Variants in MYOF observed in about 807,000 individuals in gnomAD.
The protein encoded by MYOF is fer-1-like 3, myoferlin.
In MYOF, 244 loss-of-function variants were observed where a neutral mutation model predicts 284.2. The ratio of observed to expected loss-of-function variants is 0.86; its 90% confidence interval spans 0.77 to 0.95. MYOF has a LOEUF of 0.95. Among genes scored for constraint, MYOF ranks in the 40% least tolerant of loss-of-function variants. MYOF has a pLI of 0.00. For synonymous variants in MYOF, 904 were observed against 919.7 expected (o/e 0.98, Z 0.31); for missense variants, 2,496 against 2,560.6 (o/e 0.97, Z 0.54).
At chr10:93,480,636 C>T (rs1051854538) in intron 1 of MYOF, among the ~76,000 whole-genome samples, 7 of 151,762 alleles carry the variant, frequency 4.6e-5, no homozygotes, top group Non-Finnish European at 1.0e-4. Context: ...CCACCATGCC[C>T]GGCTAATTTT....
chr10:93,309,736 C>T (rs556701927), intron 53 of MYOF, among the ~76,000 whole-genome samples: 6 of 152,224 alleles, frequency 3.9e-5, no homozygotes, highest in Non-Finnish European at 7.4e-5. Flanking sequence ...GGCCATAGTC[C>T]AGACACACAC....
chr10:93,477,273 C>T (rs1264880387), intron 1 of MYOF, among the ~76,000 whole-genome samples: 10 of 148,918 alleles, frequency 6.7e-5, no homozygotes, highest in Non-Finnish European at 1.0e-4. Context: ...GGGTGGATCA[C>T]CTGAGGTCAG....
At chr10:93,318,871 A>G (rs1176891481) in intron 49 of MYOF, among the ~76,000 whole-genome samples, 2 of 152,080 alleles carry the variant, frequency 1.3e-5, no homozygotes, top group African/African-American at 4.8e-5. Context: ...AGGTGTGGGG[A>G]GAGGAGGAAG....
In MYOF at chr10:93,379,867, C is replaced by T. The variant is rs202150335; in HGVS notation, c.1997G>A (p.Arg666Gln). ...AVNTLLAMAERLQTNIEALKS... is the reference protein window; with the variant it reads ...AVNTLLAMAEQLQTNIEALKS... ...TGCAGAAAAAGAGAAACTTACCAGC[C>T]GTTCTGCCATAGCTAGGAGAGTGTT... Residue 666 changes from arginine (R) to glutamine (Q), a missense_variant, in exon 21 of 54, where the codon CGG becomes CAG. Transcript: ENST00000359263. 8 of 1,613,294 alleles carry T rather than the reference C, an allele frequency of 5.0e-6. No homozygotes were observed. Among genetic ancestry groups the T allele is most frequent in the Non-Finnish European group, 6.8e-6 (8 of 1,179,478 alleles).
chr10:93,397,279 C>T lies in MYOF; in HGVS notation c.1302G>A (p.Val434=), dbSNP rs199722392. 28 of 1,600,544 alleles carry T rather than the reference C, an allele frequency of 1.7e-5. No homozygotes were observed. Among genetic ancestry groups the T allele is most frequent in the Non-Finnish European group, 1.5e-5 (17 of 1,171,164 alleles). ...ATATTGTTAGTTTTATTTTTTCACA[C>T]ACTGAAGGAAACTAAAAAAATGAGA... ...VVNLQIKFPS[V]CEKIKLTIYD... Residue 434 remains valine (V), a synonymous_variant, in exon 15 of 54, where the codon GTG becomes GTA. Coordinates refer to ENST00000359263, the MANE Select transcript of MYOF (RefSeq NM_013451.4).
chr10:93,467,476 A>C (rs1438958741), intron 1 of MYOF, among the ~76,000 whole-genome samples: 8 of 152,070 alleles, frequency 5.3e-5, no homozygotes, highest in Middle Eastern at 3.2e-3. Context: ...AGGAAACAAC[A>C]GGTGCTGGAG....
chr10:93,308,932 G>A (rs189637360), intron 53 of MYOF, among the ~76,000 whole-genome samples: 99 of 152,214 alleles, frequency 6.5e-4, no homozygotes, highest in East Asian at 3.9e-4. Context: ...GGCTAGTCTT[G>A]AACTCCTGAC....
intron 11 of MYOF, among the ~76,000 whole-genome samples, chr10:93,401,826 T>C (rs1435625308): frequency 9.2e-5 from 2 of 21,642 alleles, no homozygotes; most frequent in East Asian, 9.8e-4. Context: ...TGTGTGTGTG[T>C]GTGTGATCCT....
chr10:93,438,680 G>A (rs2056148693), intron 3 of MYOF, among the ~76,000 whole-genome samples: 1 of 152,158 alleles, frequency 6.6e-6, no homozygotes, highest in Non-Finnish European at 1.5e-5. Flanking sequence ...GGAGGTAGAG[G>A]GCTAGGGATA....
Position 93,325,920 on chromosome 10 carries a change from C to A in MYOF, c.5177G>T (p.Arg1726Leu). The change falls in exon 46 of 54, where the codon CGG (arginine) becomes CTG (leucine). Residue 1726 changes from arginine to leucine, a missense_variant. By Grantham distance (102) the Arg-to-Leu change is moderately radical. Around this residue, in one of 3 missense-constraint regions of MYOF, gnomAD observed 2,436 missense variants for 2,480.7 expected, o/e 0.98. Coordinates refer to ENST00000359263, the MANE Select transcript of MYOF (RefSeq NM_013451.4). ...AGTCCTGAGGATGTGAAGAGCAAGC[C>A]GCTCTTCAGGGGCCCCGAGGTGCTG... ...LHQHLGAPEE[R>L]LALHILRTQG... 2 of 1,613,984 alleles carry A rather than the reference C, an allele frequency of 1.2e-6. No individual in the cohort carries two copies. The highest frequency in any genetic ancestry group is 1.7e-6 in the Non-Finnish European group (2 of 1,179,950).
At chr10:93,331,264 A>C (rs1843285586) in intron 43 of MYOF, among the ~76,000 whole-genome samples, 2 of 152,118 alleles carry the variant, frequency 1.3e-5, no homozygotes, top group South Asian at 4.1e-4. Context: ...TGCGGAGAAG[A>C]AAGCTACCCC....
At chr10:93,422,051 C>A (rs1479791656) in intron 5 of MYOF, among the ~76,000 whole-genome samples, 1 of 151,948 alleles carries the variant, frequency 6.6e-6, no homozygotes, top group African/African-American at 2.4e-5. Context: ...ACAAAGGCAG[C>A]ACTTCCAGAT....
At chr10:93,360,480 C>T (rs1845018547) in intron 28 of MYOF, among the ~76,000 whole-genome samples, 1 of 152,244 alleles carries the variant, frequency 6.6e-6, no homozygotes, top group Admixed American at 6.5e-5. Context: ...TAGGGCCATA[C>T]TTAGCACACA....
intron 53 of MYOF, 120 bp from the exon 54 acceptor site, chr10:93,307,121 G>C: frequency 2.2e-6 from 2 of 912,626 alleles, no homozygotes; most frequent in Non-Finnish European, 1.7e-6. Flanking sequence ...TCTTGTTGGG[G>C]AGTGTCCTGT....
At chr10:93,379,837 G>A (rs903997929) in intron 21 of MYOF, 26 bp downstream of exon 21, 1 of 1,612,298 alleles carries the variant, frequency 6.2e-7, no homozygotes, top group Non-Finnish European at 8.5e-7. Flanking sequence ...TTGGTGAAAA[G>A]GAAATGCAGA....
chr10:93,369,057 G>A (rs1008488805), intron 25 of MYOF, among the ~76,000 whole-genome samples: 2 of 144,096 alleles, frequency 1.4e-5, no homozygotes, highest in Admixed American at 6.9e-5. Flanking sequence ...TGGATTTTAA[G>A]CTCAGTGAAG....
chr10:93,320,812 G>GCACATTAGAAT (rs933243079), intron 48 of MYOF, among the ~76,000 whole-genome samples: 2 of 152,162 alleles, frequency 1.3e-5, no homozygotes, highest in Non-Finnish European at 2.9e-5. Context: ...TCTCGAAACT[G>GCACATTAGAAT]CACATTAGAA....
chr10:93,306,918 TTC>T lies in MYOF; in HGVS notation c.*43_*44del. The T allele has an allele frequency of 1.3e-6, 2 of 1,591,956 alleles. No homozygotes were observed. The highest frequency in any genetic ancestry group is 1.7e-6 in the Non-Finnish European group (2 of 1,160,514). On this transcript the variant is annotated 3_prime_UTR_variant, in exon 54 of 54. Coordinates refer to ENST00000359263, the MANE Select transcript of MYOF (RefSeq NM_013451.4). ...TGGATGTTGGTCTACAGAGGCAGGA[TTC>T]TCTCATTGCTGGATGACTCTTGAAA...
intron 1 of MYOF, among the ~76,000 whole-genome samples, chr10:93,476,953 CT>C (rs1455659903): frequency 6.6e-6 from 1 of 152,068 alleles, no homozygotes; most frequent in African/African-American, 2.4e-5. Context: ...AAAATTCTGG[CT>C]GATGGAATGG....
Sources: allele counts gnomAD v4.1 joint callset (sites outside exome capture counted in the v4.1 genomes callset), GRCh38; gene constraint gnomAD v4.1.1; regional missense constraint gnomAD v4.1.1; transcripts MANE v1.5; gene names NCBI Gene and HGNC (gene_info 2026-07-23, HGNC 2026-07-21).